KIAA0825: variants seen among roughly 807,000 people sequenced by gnomAD.
KIAA0825 encodes the protein KIAA0825.
A neutral mutation model predicts 147.6 loss-of-function variants in KIAA0825; 119 were observed. That is an observed-to-expected ratio of 0.81 (90% confidence interval 0.69 to 0.94). KIAA0825 has a LOEUF of 0.94. Among genes scored for constraint, KIAA0825 ranks in the 40% least tolerant of loss-of-function variants. The pLI is 0.00. For missense variants in KIAA0825, 1,381 were observed against 1,472.7 expected (o/e 0.94, Z 1.02); for synonymous variants, 470 against 518.1 (o/e 0.91, Z 1.26).
At chr5:94,361,649 T>C (rs1562416669) in intron 20 of KIAA0825, among the ~76,000 whole-genome samples, 1 of 152,318 alleles carries the variant, frequency 6.6e-6, no homozygotes, top group East Asian at 1.9e-4. Flanking sequence ...TTCAGAGTTG[T>C]TATGAACAAG....
intron 2 of KIAA0825, among the ~76,000 whole-genome samples, chr5:94,581,447 G>T (rs1782157354): frequency 6.6e-6 from 1 of 152,070 alleles, no homozygotes; most frequent in African/African-American, 2.4e-5. Flanking sequence ...TGAACCAAAG[G>T]AAATGTAGAA....
chr5:94,601,409 C>T (rs1202656058), intron 1 of KIAA0825, among the ~76,000 whole-genome samples: 2 of 152,084 alleles, frequency 1.3e-5, no homozygotes, highest in African/African-American at 4.8e-5. Flanking sequence ...GGTCAGCAAC[C>T]TCAAAGAATA....
intron 20 of KIAA0825, among the ~76,000 whole-genome samples, chr5:94,247,901 AG>A (rs549356072): frequency 8.5e-5 from 13 of 152,140 alleles, no homozygotes; most frequent in Non-Finnish European, 1.8e-4. Flanking sequence ...GGAAAATATA[AG>A]GGGGGGTAAT....
chr5:94,514,327 C>T (rs1286295901), intron 5 of KIAA0825, among the ~76,000 whole-genome samples: 2 of 151,864 alleles, frequency 1.3e-5, no homozygotes, highest in African/African-American at 4.8e-5. Flanking sequence ...TATTAGTATG[C>T]AAAGTCTTGG....
At chr5:94,542,501 T>A (rs1773532989) in intron 2 of KIAA0825, among the ~76,000 whole-genome samples, 1 of 152,216 alleles carries the variant, frequency 6.6e-6, no homozygotes, top group Non-Finnish European at 1.5e-5. Flanking sequence ...GTTATTTGCA[T>A]AAGTGCAATA....
chr5:94,215,868 AG>A (rs1773146915), intron 20 of KIAA0825, among the ~76,000 whole-genome samples: 3 of 152,126 alleles, frequency 2.0e-5, no homozygotes, highest in African/African-American at 7.2e-5. Context: ...TAAACCCCTA[AG>A]CATCCCTGAG....
chr5:94,521,742 A>G (rs1235622846), intron 4 of KIAA0825, among the ~76,000 whole-genome samples: 2 of 151,760 alleles, frequency 1.3e-5, no homozygotes, highest in African/African-American at 4.8e-5. Flanking sequence ...TGAATTAGAC[A>G]CACACATTCT....
intron 20 of KIAA0825, among the ~76,000 whole-genome samples, chr5:94,361,698 G>T (rs756007588): frequency 6.6e-6 from 1 of 152,062 alleles, no homozygotes. Context: ...TCAAATTTTA[G>T]TCCTAAAATC....
intron 5 of KIAA0825, among the ~76,000 whole-genome samples, chr5:94,500,701 C>T (rs1434623928): frequency 6.6e-6 from 1 of 152,176 alleles, no homozygotes; most frequent in African/African-American, 2.4e-5. Context: ...CATTCACACA[C>T]AGTGACTGTT....
At chr5:94,160,566 T>A (rs1448285619) in intron 20 of KIAA0825, among the ~76,000 whole-genome samples, 1 of 148,398 alleles carries the variant, frequency 6.7e-6, no homozygotes, top group East Asian at 1.9e-4. Context: ...GTATAAATAC[T>A]GTATGTGTAT....
intron 20 of KIAA0825, among the ~76,000 whole-genome samples, chr5:94,205,580 CAT>C (rs1772121707): frequency 6.6e-6 from 1 of 152,038 alleles, no homozygotes; most frequent in Admixed American, 6.6e-5. Context: ...CGTGAGCCAC[CAT>C]GCCCGGCCCA....
intron 3 of KIAA0825, among the ~76,000 whole-genome samples, chr5:94,527,208 G>C (rs927679252): frequency 6.6e-6 from 1 of 152,130 alleles, no homozygotes; most frequent in Admixed American, 6.6e-5. Flanking sequence ...TTCCAAAAAG[G>C]CTGAGATGTC....
intron 10 of KIAA0825, among the ~76,000 whole-genome samples, chr5:94,467,806 C>T (rs1760734580): frequency 6.6e-6 from 1 of 152,198 alleles, no homozygotes; most frequent in African/African-American, 2.4e-5. Flanking sequence ...CCTCTCAAAG[C>T]AGGCCTGCCA....
intron 15 of KIAA0825, among the ~76,000 whole-genome samples, chr5:94,410,132 C>T (rs1752560236): frequency 6.7e-6 from 1 of 150,074 alleles, no homozygotes; most frequent in African/African-American, 2.4e-5. Context: ...TACAGAATTG[C>T]CAGAAGTTAA....
chr5:94,245,146 TG>T (rs1775539879), intron 20 of KIAA0825, among the ~76,000 whole-genome samples: 1 of 152,180 alleles, frequency 6.6e-6, no homozygotes, highest in Non-Finnish European at 1.5e-5. Flanking sequence ...AAAGATAAAA[TG>T]CAAGGGAGTG....
At position 94,560,348 on chromosome 5, in the gene KIAA0825, G is replaced by A. The variant is rs1418284438; in HGVS notation, c.-2+22085C>T. ...CAGAGGGCCAACGAAAACTCAGTATGTCCAAAATTTAATTCAGAGTCTTTT... is the reference window on the plus strand; with the variant it reads ...CAGAGGGCCAACGAAAACTCAGTATATCCAAAATTTAATTCAGAGTCTTTT... On this transcript the variant is annotated intron_variant, in intron 2 of 20. Coordinates refer to ENST00000682413, the MANE Select transcript of KIAA0825 (RefSeq NM_001145678.3). Among the ~76,000 whole-genome samples the A allele has an allele frequency of 3.3e-5, 5 of 152,146 alleles. No individual in the cohort carries two copies. In the East Asian group the frequency reaches 9.6e-4, roughly 29 times the overall value.
chr5:94,285,496 G>C (rs1777631560), intron 20 of KIAA0825, among the ~76,000 whole-genome samples: 2 of 152,018 alleles, frequency 1.3e-5, no homozygotes, highest in African/African-American at 4.8e-5. Flanking sequence ...CCTGTAAATT[G>C]AGAAAGATAC....
intron 2 of KIAA0825, among the ~76,000 whole-genome samples, chr5:94,581,981 A>G (rs1782275856): frequency 6.6e-6 from 1 of 152,226 alleles, no homozygotes; most frequent in Non-Finnish European, 1.5e-5. Context: ...CAACTTGTTT[A>G]GACAAGTCAC....
intron 5 of KIAA0825, among the ~76,000 whole-genome samples, chr5:94,517,367 G>T (rs1767429732): frequency 6.6e-6 from 1 of 152,094 alleles, no homozygotes. Flanking sequence ...GTAAAGCCTT[G>T]TAAAGTCTTA....
Sources: gnomAD v4.1 joint callset for allele counts (sites outside exome capture counted in the v4.1 genomes callset) on GRCh38, gnomAD v4.1.1 for gene constraint, MANE v1.5 for transcripts, NCBI Gene and HGNC (gene_info 2026-07-23, HGNC 2026-07-21) for gene names.